The following DOCK2 variants were observed in gnomAD, a reference collection of about 807,000 sequenced individuals.
DOCK2 encodes the protein dedicator of cytokinesis 2.
Under a neutral mutation model 248.9 loss-of-function variants are expected in DOCK2, and 87 were observed. The ratio of observed to expected loss-of-function variants is 0.35; its 90% CI spans 0.29 to 0.42. The LOEUF is 0.42. DOCK2 is among the 10% of genes least tolerant of loss of function. The pLI is 1.00. For missense variants in DOCK2, 1,747 were observed against 2,300.2 expected, an observed-to-expected ratio of 0.76 and a Z score of 4.92; for synonymous variants, 805 against 821.6, an observed-to-expected ratio of 0.98 and a Z score of 0.35.
chr5:169,898,665 C>T (rs1773753093), intron 27 of DOCK2, among the ~76,000 whole-genome samples: 2 of 152,132 alleles, frequency 1.3e-5, no homozygotes, highest in Non-Finnish European at 2.9e-5. Flanking sequence ...CTCTTTCAAT[C>T]AAGGGTTAGA....
intron 39 of DOCK2, among the ~76,000 whole-genome samples, chr5:170,046,666 C>T (rs1389728667): frequency 6.6e-6 from 1 of 152,168 alleles, no homozygotes; most frequent in African/African-American, 2.4e-5. Context: ...AGATAATACA[C>T]AAATACACAC....
In DOCK2 at chr5:169,846,611, C is replaced by T. The variant is rs201646052; in HGVS notation, c.2799+5759C>T. On this transcript the variant is annotated intron_variant, in intron 27 of 51. Coordinates refer to ENST00000520908, the MANE Select transcript of DOCK2 (RefSeq NM_004946.3). ...ATATATATATATACACACACATATA[C>T]ACACACACACACATATATACACACA... 3.5e-4 allele frequency among the ~76,000 whole-genome samples: 6 copies of T among 16,906 alleles called. No individual in the cohort carries two copies. In the East Asian group the frequency reaches 0.019, roughly 52 times the overall value. 11.1% of individuals were successfully genotyped at this position (16,906 alleles called of 152,430 possible).
At chr5:169,664,288 G>T (rs1758601650) in intron 2 of DOCK2, among the ~76,000 whole-genome samples, 1 of 152,136 alleles carries the variant, frequency 6.6e-6, no homozygotes, top group African/African-American at 2.4e-5. Context: ...GGATTTCATT[G>T]TCCATATCAC....
At chr5:169,715,734 G>A (rs1761871603) in intron 19 of DOCK2, among the ~76,000 whole-genome samples, 1 of 151,774 alleles carries the variant, frequency 6.6e-6, no homozygotes, top group South Asian at 2.1e-4. Flanking sequence ...CCCAGAAGAG[G>A]ATACAGACCA....
In DOCK2 at chr5:170,074,810, G is replaced by T. The variant is rs911721373; in HGVS notation, c.4729-1137G>T. On this transcript the variant is annotated intron_variant, in intron 46 of 51. Coordinates refer to ENST00000520908, the MANE Select transcript of DOCK2 (RefSeq NM_004946.3). ...GGTGAGGCAGTCAGGCAATCTAACT[G>T]CTCCTGATACAGAACTTCAACACAT... 7.9e-5 allele frequency among the ~76,000 whole-genome samples: 12 copies of T among 152,280 alleles called. 1 individual carries two copies. Among genetic ancestry groups the T allele is most frequent in the African/African-American group, 2.9e-4 (12 of 41,554 alleles).
intron 46 of DOCK2, among the ~76,000 whole-genome samples, chr5:170,070,874 T>C (rs942174536): frequency 6.6e-6 from 1 of 152,162 alleles, no homozygotes; most frequent in African/African-American, 2.4e-5. Context: ...TCTACTACTG[T>C]CTTGGAGCTT....
intron 25 of DOCK2, among the ~76,000 whole-genome samples, chr5:169,768,459 A>G (rs1265296403): frequency 1.3e-5 from 2 of 152,252 alleles, no homozygotes; most frequent in Non-Finnish European, 2.9e-5. Flanking sequence ...TGTGAGAACA[A>G]GTGCCTCACC....
chr5:169,797,587 T>C (rs1205635427), intron 25 of DOCK2, among the ~76,000 whole-genome samples: 3 of 152,122 alleles, frequency 2.0e-5, no homozygotes, highest in Non-Finnish European at 4.4e-5. Flanking sequence ...CCCTTTCAAT[T>C]AAAACCCAAA....
chr5:169,864,458 C>A, intron 27 of DOCK2: 1 of 1,526,172 alleles, frequency 6.6e-7, no homozygotes, highest in Non-Finnish European at 8.8e-7. Flanking sequence ...TCATACTCTA[C>A]ACTGAAAAAC....
intron 27 of DOCK2, among the ~76,000 whole-genome samples, chr5:169,971,839 G>C (rs938949082): frequency 6.6e-6 from 1 of 152,104 alleles, no homozygotes; most frequent in Non-Finnish European, 1.5e-5. Context: ...AATATCTCTC[G>C]TAGTTACCCA....
In DOCK2 at chr5:169,850,179, G is replaced by C. The variant is rs111583570; in HGVS notation, c.2799+9327G>C. On this transcript the variant is annotated intron_variant, in intron 27 of 51. Coordinates refer to ENST00000520908, the MANE Select transcript of DOCK2 (RefSeq NM_004946.3). ...ATGGACCGTTTATGTGACCAAGATG[G>C]TACCAAGCACTTTAAGGGCATTCTC... Among the ~76,000 whole-genome samples, 48 of 152,250 alleles carry C rather than the reference G, an allele frequency of 3.2e-4. 1 individual carries two copies. The highest frequency in any genetic ancestry group is 1.1e-3 in the African/African-American group (47 of 41,550).
chr5:169,979,340 G>T (rs1466436178), intron 27 of DOCK2, among the ~76,000 whole-genome samples: 2 of 152,172 alleles, frequency 1.3e-5, no homozygotes, highest in Non-Finnish European at 2.9e-5. Context: ...AAGACATGGT[G>T]GATATGGAAG....
chr5:169,933,480 G>C (rs1296854746), intron 27 of DOCK2, among the ~76,000 whole-genome samples: 1 of 152,248 alleles, frequency 6.6e-6, no homozygotes, highest in Non-Finnish European at 1.5e-5. Flanking sequence ...TGAGCATCAA[G>C]AGTCTGCATA....
intron 27 of DOCK2, among the ~76,000 whole-genome samples, chr5:169,953,100 G>T (rs183746949): frequency 3.0e-4 from 45 of 152,216 alleles, no homozygotes; most frequent in Admixed American, 2.9e-3. Context: ...GAGGTGGGCG[G>T]ATCACAAGGT....
chr5:170,081,721 C>A, intron 50 of DOCK2, 121 bp from the exon 51 acceptor site: 1 of 1,154,486 alleles, frequency 8.7e-7, no homozygotes, highest in Non-Finnish European at 1.2e-6. Flanking sequence ...CTGCTTGGCA[C>A]ATACAATGTG....
At chr5:170,017,323 A>C (rs970939769) in intron 32 of DOCK2, among the ~76,000 whole-genome samples, 1 of 152,054 alleles carries the variant, frequency 6.6e-6, no homozygotes, top group African/African-American at 2.4e-5. Flanking sequence ...GGGTGCCAAA[A>C]CTCACAAGGA....
At chr5:169,728,462 G>A (rs1012075541) in intron 22 of DOCK2, among the ~76,000 whole-genome samples, 1 of 152,138 alleles carries the variant, frequency 6.6e-6, no homozygotes, top group South Asian at 2.1e-4. Context: ...CTGGATTAGG[G>A]ACATAGGATA....
intron 27 of DOCK2, among the ~76,000 whole-genome samples, chr5:169,951,890 A>G (rs1776681025): frequency 6.6e-6 from 1 of 152,244 alleles, no homozygotes; most frequent in African/African-American, 2.4e-5. Context: ...AGCAGACACC[A>G]GAACCAGAGC....
At chr5:169,813,557 A>G (rs1396525716) in intron 26 of DOCK2, among the ~76,000 whole-genome samples, 2 of 152,142 alleles carry the variant, frequency 1.3e-5, no homozygotes, top group South Asian at 2.1e-4. Context: ...AAATCCAGAG[A>G]CCCAAGGGAG....
Sources: gnomAD v4.1 joint callset for allele counts (sites outside exome capture counted in the v4.1 genomes callset) on GRCh38, gnomAD v4.1.1 for gene constraint, MANE v1.5 for transcripts, NCBI Gene and HGNC (gene_info 2026-07-23, HGNC 2026-07-21) for gene names.